The following CIB4 variants were observed in gnomAD, a reference collection of about 807,000 sequenced individuals.
The protein encoded by CIB4 is calcium and integrin-binding family member 4.
CIB4 carries 25 observed loss-of-function variants against 25.8 expected under a neutral mutation model. The observed-to-expected ratio is 0.97, with a 90% CI of 0.71 to 1.35. The LOEUF (loss-of-function observed/expected upper bound fraction) is 1.35, where lower values mean the gene tolerates loss of function less well. CIB4 is among the 40% of genes most tolerant of loss of function. CIB4 has a pLI of 0.00. For synonymous variants in CIB4, 75 were observed against 81.4 expected, an observed-to-expected ratio of 0.92 and a Z score of 0.42; for missense variants, 235 against 228.2, an observed-to-expected ratio of 1.03 and a Z score of -0.19.
chr2:26,601,229 AAAATATAT>A (rs1428944067), intron 3 of CIB4, among the ~76,000 whole-genome samples: 60 of 25,372 alleles, frequency 2.4e-3, no homozygotes, highest in Admixed American at 6.4e-3. Context: ...AAAAAAAAAA[AAAATATAT>A]ATATATATAT....
intron 3 of CIB4, among the ~76,000 whole-genome samples, chr2:26,622,174 T>C (rs1572565605): frequency 6.6e-6 from 1 of 151,662 alleles, no homozygotes; most frequent in Non-Finnish European, 1.5e-5. Context: ...CAGCCTGGCC[T>C]ACATGGTGAA....
intron 3 of CIB4, 91 bp downstream of exon 3, chr2:26,629,319 G>A: frequency 1.3e-6 from 1 of 799,018 alleles, no homozygotes; most frequent in Middle Eastern, 3.0e-4. Context: ...AGCACGGAGT[G>A]CCCACCTCAC....
chr2:26,586,132 G>C (rs1007096004), intron 4 of CIB4, among the ~76,000 whole-genome samples: 4 of 152,116 alleles, frequency 2.6e-5, no homozygotes, highest in Admixed American at 2.6e-4. Context: ...CTCTGCCCCC[G>C]GAAGTCTATT....
At chr2:26,596,627 A>G (rs1268673538) in intron 3 of CIB4, among the ~76,000 whole-genome samples, 1 of 151,972 alleles carries the variant, frequency 6.6e-6, no homozygotes, top group Non-Finnish European at 1.5e-5. Context: ...CATGCCTGTA[A>G]TCCCAGCTAC....
At chr2:26,610,014 C>T (rs763324547) in intron 3 of CIB4, among the ~76,000 whole-genome samples, 52 of 152,228 alleles carry the variant, frequency 3.4e-4, no homozygotes, top group Non-Finnish European at 8.8e-5. Context: ...TCCTCTGCTT[C>T]TCGTGGGAGC....
At chr2:26,610,063 C>T (rs1303038042) in intron 3 of CIB4, among the ~76,000 whole-genome samples, 1 of 152,204 alleles carries the variant, frequency 6.6e-6, no homozygotes, top group Non-Finnish European at 1.5e-5. Context: ...CCCCGCTGTG[C>T]CTCCACGACC....
At position 26,640,549 on chromosome 2, in the gene CIB4, TG is replaced by T; in HGVS notation, c.72del (p.Arg25GlufsTer12). 6.2e-7 allele frequency: 1 copy of T among 1,613,332 alleles called. No homozygotes were observed. Among genetic ancestry groups the T allele is most frequent in the Non-Finnish European group, 8.5e-7 (1 of 1,179,614 alleles). On this transcript the variant is annotated frameshift_variant, in exon 2 of 7. Coordinates refer to ENST00000288861, the MANE Select transcript of CIB4 (RefSeq NM_001029881.3). LOFTEE classifies it high-confidence loss of function. Reference protein sequence around the residue: ...LEEYQALTFLTRNEILCIHDT... With the variant: ...LEEYQALTFLXRNEILCIHDT... Reference sequence around the variant, plus strand: ...TCTACTCACCACAGAATTTCATTTCTGGTCAGGAAGGTCAGGGCCTGCAACA... The same window carrying T: ...TCTACTCACCACAGAATTTCATTTCTGTCAGGAAGGTCAGGGCCTGCAACA...
intron 3 of CIB4, chr2:26,605,441 A>G: frequency 2.1e-6 from 1 of 466,278 alleles, no homozygotes; most frequent in Non-Finnish European, 4.4e-6. Context: ...AGGAAATGGA[A>G]GAGCTTATCA....
chr2:26,581,378 G>C lies in CIB4; in HGVS notation c.543C>G (p.His181Gln). 6.2e-7 allele frequency: 1 copy of C among 1,613,778 alleles called. No homozygotes were observed. The highest frequency in any genetic ancestry group is 8.5e-7 in the Non-Finnish European group (1 of 1,179,772). ...SPDFMNSFRIHFWGC is the reference protein window; with the variant it reads ...SPDFMNSFRIQFWGC Reference sequence around the variant, plus strand: ...TGCCGCTACATCAGCATCCCCAGAAGTGAATCCGAAAGGAGCTGAAAGAAA... The same window carrying C: ...TGCCGCTACATCAGCATCCCCAGAACTGAATCCGAAAGGAGCTGAAAGAAA... Residue 181 changes from histidine to glutamine, a missense_variant, in exon 7 of 7, where the codon CAC becomes CAG. His to Gln is a conservative substitution (Grantham distance 24). Coordinates refer to ENST00000288861, the MANE Select transcript of CIB4 (RefSeq NM_001029881.3).
intron 4 of CIB4, among the ~76,000 whole-genome samples, chr2:26,593,737 C>T (rs988892635): frequency 2.0e-5 from 3 of 152,162 alleles, no homozygotes; most frequent in Admixed American, 6.5e-5. Context: ...CAATTGATTT[C>T]GACTCAAAGT....
At chr2:26,595,025 C>T (rs1393146723) in intron 4 of CIB4, 151 bp downstream of exon 4, 11 of 687,798 alleles carry the variant, frequency 1.6e-5, no homozygotes, top group Non-Finnish European at 2.2e-5. Flanking sequence ...TTTTTTATTC[C>T]ATGGTACATG....
chr2:26,616,270 GCATGGTGGCCGTGCCTGCAGCC>G (rs1301630157), intron 3 of CIB4, among the ~76,000 whole-genome samples: 1 of 152,232 alleles, frequency 6.6e-6, no homozygotes, highest in Non-Finnish European at 1.5e-5. Flanking sequence ...GCCGAATGCA[GCATGGTGGCCGTGCCTGCAGCC>G]CTGGGTGAGC....
intron 1 of CIB4, 123 bp from the exon 2 acceptor site, chr2:26,640,690 A>G: frequency 1.9e-6 from 2 of 1,042,330 alleles, no homozygotes; most frequent in Non-Finnish European, 2.8e-6. Context: ...AGCTGGGGGA[A>G]CCCCAGGTTG....
intron 2 of CIB4, among the ~76,000 whole-genome samples, chr2:26,638,525 C>T (rs1220850283): frequency 6.6e-6 from 1 of 152,204 alleles, no homozygotes; most frequent in Non-Finnish European, 1.5e-5. Context: ...ATAGGAGGAA[C>T]CCCAGGGGTG....
chr2:26,629,548 G>A lies in CIB4; in HGVS notation c.90-42C>T, dbSNP rs773248111. 4.8e-5 allele frequency: 65 copies of A among 1,358,226 alleles called. 1 individual carries two copies. In the South Asian group the frequency reaches 4.9e-4, roughly 10 times the overall value. The allele number at this position is 1,358,226 out of a possible 1,614,324, so 84.1% of individuals were successfully genotyped here. On this transcript the variant is annotated intron_variant, in intron 2 of 6. Transcript: ENST00000288861. ...GAAGACCGTGTGGCCGGGGAAAGGA[G>A]GCCAGCACTGTGTGGCCGGGGAAAG... is the stretch of plus-strand genomic sequence containing the variant.
chr2:26,585,506 G>C (rs1001813911), intron 4 of CIB4, among the ~76,000 whole-genome samples: 4 of 152,080 alleles, frequency 2.6e-5, no homozygotes, highest in African/African-American at 9.7e-5. Flanking sequence ...CCCCTCACTG[G>C]ATGGGCCGGG....
At chr2:26,637,901 C>T (rs948781178) in intron 2 of CIB4, among the ~76,000 whole-genome samples, 2 of 152,192 alleles carry the variant, frequency 1.3e-5, no homozygotes, top group African/African-American at 4.8e-5. Context: ...CCTGGCCCCA[C>T]TAGTGCTTCT....
intron 3 of CIB4, among the ~76,000 whole-genome samples, chr2:26,611,834 A>G (rs1669000485): frequency 6.6e-6 from 1 of 152,240 alleles, no homozygotes; most frequent in South Asian, 2.1e-4. Flanking sequence ...AGCAACAAGA[A>G]AAAGCATTTA....
At chr2:26,626,972 G>T (rs992697829) in intron 3 of CIB4, among the ~76,000 whole-genome samples, 4 of 152,282 alleles carry the variant, frequency 2.6e-5, no homozygotes, top group African/African-American at 9.6e-5. Flanking sequence ...TTTATAGATG[G>T]GGGGATATAC....
Sources: allele counts gnomAD v4.1 joint callset (sites outside exome capture counted in the v4.1 genomes callset), GRCh38; gene constraint gnomAD v4.1.1; transcripts MANE v1.5; gene names NCBI Gene and HGNC (gene_info 2026-07-23, HGNC 2026-07-21).